Variants in ARHGAP8 observed in about 807,000 individuals in gnomAD.
ARHGAP8 encodes rho GTPase-activating protein 8.
Under a neutral mutation model 46.1 loss-of-function variants are expected in ARHGAP8, and 62 were observed. The observed-to-expected ratio is 1.34, with a 90% CI of 1.10 to 1.66. The LOEUF is 1.66. Ranked by LOEUF, ARHGAP8 falls within the 40% of genes most tolerant of loss-of-function variation. ARHGAP8 has a pLI of 0.00. For missense variants in ARHGAP8, 923 were observed against 568.4 expected, an observed-to-expected ratio of 1.62 and a Z score of -6.34; for synonymous variants, 375 against 243.1, an observed-to-expected ratio of 1.54 and a Z score of -5.05.
intron 6 of ARHGAP8, among the ~76,000 whole-genome samples, chr22:44,823,414 C>T (rs538682003): frequency 5.9e-5 from 9 of 152,264 alleles, no homozygotes; most frequent in African/African-American, 2.2e-4. Context: ...CAGAGGGAAG[C>T]CCTCCTGCAA....
chr22:44,849,935 T>A (rs1051288329), intron 10 of ARHGAP8: 1 of 152,222 alleles, frequency 6.6e-6, no homozygotes, highest in Non-Finnish European at 1.5e-5. Context: ...GTTACCTTTG[T>A]CACTCATCAG....
chr22:44,782,684 C>T lies in ARHGAP8; in HGVS notation c.-71-3773C>T, dbSNP rs540394526. ...CATAGGCCAGAACTTCATCCTGTTA[C>T]GGCTGAGTAATATTTCACCATATGG... On this transcript the variant is annotated intron_variant, in intron 1 of 11. Transcript: ENST00000356099. Among the ~76,000 whole-genome samples the T allele has an allele frequency of 3.9e-5, 6 of 152,314 alleles. No individual in the cohort carries two copies. The East Asian group carries it at 7.7e-4, about 20-fold the overall frequency.
chr22:44,796,948 A>C (rs1366942644), intron 2 of ARHGAP8, among the ~76,000 whole-genome samples: 6 of 152,160 alleles, frequency 3.9e-5, no homozygotes, highest in Non-Finnish European at 8.8e-5. Flanking sequence ...CCCAGATACA[A>C]GCCGTTGCAG....
At chr22:44,830,006 C>G (rs973621862) in intron 7 of ARHGAP8, among the ~76,000 whole-genome samples, 2 of 141,114 alleles carry the variant, frequency 1.4e-5, no homozygotes, top group Non-Finnish European at 3.0e-5. Flanking sequence ...CTGGCATTTT[C>G]TTTTTTTTCC....
intron 2 of ARHGAP8, among the ~76,000 whole-genome samples, chr22:44,786,833 A>G (rs1927276549): frequency 6.6e-6 from 1 of 152,042 alleles, no homozygotes; most frequent in Non-Finnish European, 1.5e-5. Context: ...TGGGCAATGT[A>G]GTGAGACCCC....
chr22:44,859,276 G>T (rs1272124128), intron 10 of ARHGAP8, among the ~76,000 whole-genome samples: 11 of 152,148 alleles, frequency 7.2e-5, no homozygotes, highest in Admixed American at 7.2e-4. Context: ...GATCATGAGG[G>T]CAGATACCTC....
chr22:44,808,869 G>C, intron 4 of ARHGAP8: 1 of 364,336 alleles, frequency 2.7e-6, no homozygotes, highest in Non-Finnish European at 5.4e-6. Context: ...CCAGGCTGGA[G>C]TGCAGTGGTG....
intron 10 of ARHGAP8, among the ~76,000 whole-genome samples, chr22:44,851,543 G>A (rs981542462): frequency 4.6e-5 from 7 of 152,152 alleles, no homozygotes; most frequent in Admixed American, 3.9e-4. Flanking sequence ...TGAAGACCCA[G>A]GCTGGGCATG....
At chr22:44,788,839 T>C (rs982657024) in intron 2 of ARHGAP8, among the ~76,000 whole-genome samples, 3 of 152,272 alleles carry the variant, frequency 2.0e-5, no homozygotes, top group Non-Finnish European at 4.4e-5. Context: ...TGATGGGTTC[T>C]GAGACCTGAA....
chr22:44,758,403 CAG>C (rs1924857811), intron 1 of ARHGAP8, among the ~76,000 whole-genome samples: 1 of 152,108 alleles, frequency 6.6e-6, no homozygotes, highest in South Asian at 2.1e-4. Flanking sequence ...GCCTGGGTGA[CAG>C]AGTGAGATTC....
At chr22:44,860,526 G>T (rs559699698) in intron 11 of ARHGAP8, among the ~76,000 whole-genome samples, 2 of 115,604 alleles carry the variant, frequency 1.7e-5, no homozygotes, top group Admixed American at 9.9e-5. Context: ...CAGATGACGC[G>T]GGATGATCTC....
intron 1 of ARHGAP8, among the ~76,000 whole-genome samples, chr22:44,771,103 T>C (rs1322824244): frequency 6.6e-6 from 1 of 152,220 alleles, no homozygotes; most frequent in African/African-American, 2.4e-5. Context: ...GTTTGTTCTT[T>C]GTTGGCATAT....
At chr22:44,852,216 A>G (rs1325633142) in intron 10 of ARHGAP8, among the ~76,000 whole-genome samples, 1 of 139,294 alleles carries the variant, frequency 7.2e-6, no homozygotes, top group Non-Finnish European at 1.6e-5. Flanking sequence ...AAAAAAAAAA[A>G]AGGAAGGGAG....
chr22:44,851,520 A>C (rs1452451487), intron 10 of ARHGAP8, among the ~76,000 whole-genome samples: 5 of 151,820 alleles, frequency 3.3e-5, no homozygotes, highest in African/African-American at 1.2e-4. Flanking sequence ...AACCTTTATG[A>C]AAATGAAGAA....
At chr22:44,800,053 C>CACGGAGG (rs1928376758) in intron 2 of ARHGAP8, among the ~76,000 whole-genome samples, 1 of 131,510 alleles carries the variant, frequency 7.6e-6, no homozygotes, top group African/African-American at 3.0e-5. Flanking sequence ...GGTCTGCAGG[C>CACGGAGG]ATGGAGGATG....
intron 2 of ARHGAP8, chr22:44,801,698 A>C: frequency 4.3e-6 from 1 of 234,234 alleles, no homozygotes; most frequent in East Asian, 1.2e-4. Context: ...ATGGCCCAGA[A>C]TCATGGGGTG....
At chr22:44,856,890 C>T (rs541792080) in intron 10 of ARHGAP8, among the ~76,000 whole-genome samples, 1 of 144,604 alleles carries the variant, frequency 6.9e-6, no homozygotes, top group East Asian at 2.0e-4. Flanking sequence ...TTTGACCACC[C>T]TCACACAGTC....
chr22:44,760,078 C>A (rs1446066633), intron 1 of ARHGAP8, among the ~76,000 whole-genome samples: 1 of 152,192 alleles, frequency 6.6e-6, no homozygotes, highest in Non-Finnish European at 1.5e-5. Flanking sequence ...TGACAAGGTC[C>A]TGATGCAGGT....
At chr22:44,835,556 G>A (rs1476617515) in intron 7 of ARHGAP8, among the ~76,000 whole-genome samples, 1 of 152,186 alleles carries the variant, frequency 6.6e-6, no homozygotes, top group Non-Finnish European at 1.5e-5. Context: ...GGGAGGCGGA[G>A]GTTGCAGTGA....
Sources: gnomAD v4.1 joint callset for allele counts (sites outside exome capture counted in the v4.1 genomes callset) on GRCh38, gnomAD v4.1.1 for gene constraint, MANE v1.5 for transcripts, NCBI Gene and HGNC (gene_info 2026-07-23, HGNC 2026-07-21) for gene names.